The following KLHDC4 variants were observed in gnomAD, a reference collection of about 807,000 sequenced individuals.
KLHDC4 encodes kelch domain containing 4.
KLHDC4 carries 90 observed loss-of-function variants against 62.4 expected under a neutral mutation model. The observed-to-expected ratio is 1.44, with a 90% CI of 1.22 to 1.72. The LOEUF (loss-of-function observed/expected upper bound fraction) is 1.72, where lower values mean the gene tolerates loss of function less well. KLHDC4 is among the 40% of genes most tolerant of loss of function. The pLI, the probability that KLHDC4 is intolerant of heterozygous loss-of-function variation, is 0.00. For synonymous variants in KLHDC4, 386 were observed against 284.4 expected, an observed-to-expected ratio of 1.36 and a Z score of -3.59; for missense variants, 1,025 against 699.7, an observed-to-expected ratio of 1.47 and a Z score of -5.25.
At chr16:87,738,357 G>GCA (rs112406800) in intron 5 of KLHDC4, among the ~76,000 whole-genome samples, 30,213 of 149,750 alleles carry the variant, frequency 0.2, 3,080 homozygotes, top group South Asian at 0.3. Flanking sequence ...ACACGGACGT[G>GCA]CACACACACA....
intron 5 of KLHDC4, among the ~76,000 whole-genome samples, chr16:87,737,255 T>TA (rs1172787135): frequency 6.6e-6 from 1 of 151,864 alleles, no homozygotes; most frequent in Non-Finnish European, 1.5e-5. Context: ...CACATGAAGT[T>TA]AGAGGCCTCA....
chr16:87,714,237 G>C (rs967333432), intron 8 of KLHDC4, among the ~76,000 whole-genome samples: 2 of 152,342 alleles, frequency 1.3e-5, no homozygotes, highest in Admixed American at 6.5e-5. Context: ...GCTCCACAGA[G>C]GGCTGTCTGC....
At chr16:87,756,180 AAG>A (rs2044857879) in intron 3 of KLHDC4, 1 of 420,776 alleles carries the variant, frequency 2.4e-6, no homozygotes, top group African/African-American at 2.0e-5. Flanking sequence ...GCCTCAGCCT[AAG>A]TCCCAGGAAT....
chr16:87,720,097 C>G (rs905298858), intron 7 of KLHDC4, among the ~76,000 whole-genome samples: 16 of 152,270 alleles, frequency 1.1e-4, no homozygotes, highest in African/African-American at 3.9e-4. Flanking sequence ...GGCTCAGACG[C>G]CGACCCATTT....
chr16:87,726,892 A>C lies in KLHDC4; in HGVS notation c.632T>G (p.Phe211Cys). ...GCTCCATGTGAAGGTGTCCAGATTA[A>C]AGGCATACACGTCGTTGTAGTAGAT... ...DYIYYNDVYA[F>C]NLDTFTWSKL... Residue 211 changes from phenylalanine (F) to cysteine (C), a missense_variant, in exon 7 of 12, where the codon TTT becomes TGT. Transcript: ENST00000270583. 6.2e-7 allele frequency: 1 copy of C among 1,614,034 alleles called. No individual in the cohort carries two copies. Among genetic ancestry groups the C allele is most frequent in the South Asian group, 1.1e-5 (1 of 91,086 alleles).
intron 5 of KLHDC4, among the ~76,000 whole-genome samples, chr16:87,746,333 G>C (rs1403837543): frequency 1.3e-5 from 2 of 151,646 alleles, no homozygotes; most frequent in Non-Finnish European, 2.9e-5. Flanking sequence ...ACAGAGAGGA[G>C]AAAAAGACAA....
At chr16:87,722,936 G>C (rs568039230) in intron 7 of KLHDC4, among the ~76,000 whole-genome samples, 168 of 152,354 alleles carry the variant, frequency 1.1e-3, no homozygotes, top group Non-Finnish European at 1.9e-3. Flanking sequence ...GACCTCCTGG[G>C]AGCATGGACG....
chr16:87,724,562 G>A (rs2039005464), intron 7 of KLHDC4, among the ~76,000 whole-genome samples: 1 of 152,126 alleles, frequency 6.6e-6, no homozygotes, highest in Non-Finnish European at 1.5e-5. Context: ...ACACACTTCA[G>A]GAAAGACAAG....
chr16:87,748,536 A>AG, intron 5 of KLHDC4, 137 bp downstream of exon 5: 1 of 1,125,116 alleles, frequency 8.9e-7, no homozygotes, highest in Non-Finnish European at 1.3e-6. Flanking sequence ...CCCAGGACCC[A>AG]GCGAGGCTGG....
downstream of KLHDC4, among the ~76,000 whole-genome samples, chr16:87,707,201 G>A (rs553745431): frequency 3.3e-5 from 5 of 152,360 alleles, no homozygotes; most frequent in East Asian, 1.9e-4. Context: ...GGGAGTTAGC[G>A]CACCACAGCC....
chr16:87,747,035 G>A (rs529252688), intron 5 of KLHDC4, among the ~76,000 whole-genome samples: 1 of 152,314 alleles, frequency 6.6e-6, no homozygotes, highest in Non-Finnish European at 1.5e-5. Context: ...AGGGGCCAGG[G>A]CCACTCCCAA....
intron 6 of KLHDC4, among the ~76,000 whole-genome samples, chr16:87,730,217 G>C (rs1008337845): frequency 2.6e-5 from 4 of 152,238 alleles, no homozygotes; most frequent in Admixed American, 2.0e-4. Flanking sequence ...GCCTCCCAAA[G>C]TGCTGGGATT....
intron 7 of KLHDC4, 96 bp from the exon 8 acceptor site, chr16:87,714,669 T>C (rs2036582092): frequency 4.6e-6 from 6 of 1,305,528 alleles, no homozygotes; most frequent in Admixed American, 3.5e-5. Context: ...TGGAAGGGGC[T>C]GGAGGCCTTC....
chr16:87,721,061 C>A (rs2038208804), intron 7 of KLHDC4, among the ~76,000 whole-genome samples: 5 of 152,212 alleles, frequency 3.3e-5, no homozygotes, highest in Admixed American at 3.3e-4. Context: ...CCACTCAACC[C>A]CCCACAGCCA....
rs1567715193 is a variant in KLHDC4 at position 87,726,842 on chromosome 16, G to A, written c.682C>T (p.Pro228Ser). ...ATCTGGCAGCCTGATCTGGGTGTGGGCCCCGTCCCTGACGGGGACAGCTTG... is the reference window on the plus strand; with the variant it reads ...ATCTGGCAGCCTGATCTGGGTGTGGACCCCGTCCCTGACGGGGACAGCTTG... ...WSKLSPSGTG[P>S]TPRSGCQMSV... is the part of the protein sequence containing the mutation. The change falls in exon 7 of 12, where the codon CCC becomes TCC. Residue 228 changes from proline to serine, a missense_variant. Transcript: ENST00000270583. 6.2e-7 allele frequency: 1 copy of A among 1,613,100 alleles called. No homozygotes were observed. Among genetic ancestry groups the A allele is most frequent in the Non-Finnish European group, 8.5e-7 (1 of 1,179,602 alleles).
rs749260723 is a variant in KLHDC4, at chr16:87,755,217, G to A, written c.346C>T (p.Pro116Ser). ...TWTKVDIPSP[P>S]PRRCAHQAVV... ...ACCTGGTGAGCACAGCGCCTCGGAG[G>A]TGGACTGGGGATGTCAACTTTGGTC... The change falls in exon 4 of 12, where the codon CCT (proline) becomes TCT (serine). Residue 116 changes from proline (P) to serine (S), a missense_variant. Transcript: ENST00000270583. The A allele has an allele frequency of 6.2e-7, 1 of 1,610,838 alleles. No individual in the cohort carries two copies. Among genetic ancestry groups the A allele is most frequent in the Non-Finnish European group, 8.5e-7 (1 of 1,177,102 alleles).
chr16:87,762,158 T>C (rs117661455), intron 1 of KLHDC4, 118 bp from the exon 2 acceptor site: 22,971 of 1,519,886 alleles, frequency 0.015, 206 homozygotes, highest in Middle Eastern at 0.018. Flanking sequence ...CATCTGTGAA[T>C]TGCAACATAC....
intron 5 of KLHDC4, among the ~76,000 whole-genome samples, chr16:87,748,453 C>T (rs1300205214): frequency 6.6e-6 from 1 of 152,092 alleles, no homozygotes; most frequent in Admixed American, 6.5e-5. Context: ...ACCTGGAGAA[C>T]AACACCAGGC....
chr16:87,736,928 C>T (rs2041414879), intron 5 of KLHDC4, among the ~76,000 whole-genome samples: 1 of 151,594 alleles, frequency 6.6e-6, no homozygotes, highest in Admixed American at 6.6e-5. Context: ...AGTTCGAGAC[C>T]AGCCTGGCCA....
Sources: allele counts gnomAD v4.1 joint callset (sites outside exome capture counted in the v4.1 genomes callset), GRCh38; gene constraint gnomAD v4.1.1; transcripts MANE v1.5; gene names NCBI Gene and HGNC (gene_info 2026-07-23, HGNC 2026-07-21).